Variants in PRKG1 observed in about 807,000 individuals in gnomAD.
PRKG1 encodes protein kinase cGMP-dependent 1.
PRKG1 carries 35 observed loss-of-function variants against 88.1 expected under a neutral mutation model. The observed-to-expected ratio is 0.40, with a 90% CI of 0.30 to 0.53. The LOEUF is 0.53. Ranked by LOEUF, PRKG1 falls within the 20% of genes least tolerant of loss-of-function variation. PRKG1 has a pLI of 0.59. For synonymous variants in PRKG1, 303 were observed against 292.5 expected (o/e 1.04, Z -0.37); for missense variants, 540 against 839.8 (o/e 0.64, Z 4.41).
At chr10:52,291,524 C>A (rs1267991652) in intron 17 of PRKG1, among the ~76,000 whole-genome samples, 1 of 150,620 alleles carries the variant, frequency 6.6e-6, no homozygotes, top group Non-Finnish European at 1.5e-5. Flanking sequence ...TTTGTTCTTG[C>A]GATAGTTTAC....
intron 5 of PRKG1, among the ~76,000 whole-genome samples, chr10:51,995,387 A>G (rs182117149): frequency 6.2e-4 from 95 of 152,322 alleles, no homozygotes; most frequent in African/African-American, 2.1e-3. Flanking sequence ...CCTTTTCTGA[A>G]TGATCTGGAT....
At chr10:51,123,418 G>A (rs1263807425) in intron 1 of PRKG1, among the ~76,000 whole-genome samples, 1 of 152,154 alleles carries the variant, frequency 6.6e-6, no homozygotes, top group African/African-American at 2.4e-5. Context: ...GGGCCTGGTG[G>A]CTCACGCCTG....
chr10:51,755,477 A>G (rs1837835999), intron 3 of PRKG1, among the ~76,000 whole-genome samples: 1 of 152,212 alleles, frequency 6.6e-6, no homozygotes, highest in Admixed American at 6.5e-5. Context: ...TCTGCTGCTA[A>G]CAGCAATAGC....
chr10:51,106,548 A>G (rs1220824045), intron 1 of PRKG1, among the ~76,000 whole-genome samples: 1 of 152,118 alleles, frequency 6.6e-6, no homozygotes, highest in Non-Finnish European at 1.5e-5. Flanking sequence ...TAGAGGGGAA[A>G]AGTCTGTGCC....
intron 1 of PRKG1, among the ~76,000 whole-genome samples, chr10:51,076,965 A>G (rs952029225): frequency 6.6e-6 from 1 of 152,206 alleles, no homozygotes; most frequent in Non-Finnish European, 1.5e-5. Flanking sequence ...TTTATTGAGG[A>G]AAATGATAGA....
chr10:51,412,215 A>AGAGAGAGAGAGAGAGAGAGAGAG (rs1564483266), intron 2 of PRKG1, among the ~76,000 whole-genome samples: 2 of 120,196 alleles, frequency 1.7e-5, no homozygotes, highest in African/African-American at 8.0e-5. Context: ...GAGAGAGAGA[A>AGAGAGAGAGAGAGAGAGAGAGAG]AGAAAGAGAG....
intron 2 of PRKG1, among the ~76,000 whole-genome samples, chr10:51,203,890 A>G (rs1837975667): frequency 6.6e-6 from 1 of 152,224 alleles, no homozygotes; most frequent in African/African-American, 2.4e-5. Flanking sequence ...CCTGTTACAC[A>G]GTAACTCTTC....
chr10:51,678,975 A>T (rs1840778454), intron 3 of PRKG1, among the ~76,000 whole-genome samples: 1 of 152,156 alleles, frequency 6.6e-6, no homozygotes, highest in South Asian at 2.1e-4. Flanking sequence ...GATTTTTAGG[A>T]TTCATTCATT....
chr10:51,899,671 GTATA>G (rs57320165), intron 4 of PRKG1, among the ~76,000 whole-genome samples: 27,221 of 120,326 alleles, frequency 0.23, 3,365 homozygotes, highest in East Asian at 0.51. Context: ...AAAGAAAAAT[GTATA>G]TATATATATA....
chr10:51,952,049 A>C (rs1470248748), intron 5 of PRKG1, among the ~76,000 whole-genome samples: 1 of 152,166 alleles, frequency 6.6e-6, no homozygotes, highest in African/African-American at 2.4e-5. Context: ...AAGAGGAGAG[A>C]TGACTATTTA....
chr10:51,493,373 G>C (rs1371291126), intron 3 of PRKG1, among the ~76,000 whole-genome samples: 1 of 152,096 alleles, frequency 6.6e-6, no homozygotes, highest in Non-Finnish European at 1.5e-5. Context: ...TGGATTGTTT[G>C]TAATTGCCTT....
intron 7 of PRKG1, among the ~76,000 whole-genome samples, chr10:52,097,473 A>T (rs769195418): frequency 6.6e-6 from 1 of 152,132 alleles, no homozygotes; most frequent in Non-Finnish European, 1.5e-5. Flanking sequence ...TAAAGATTTA[A>T]TGATTCTAGA....
intron 2 of PRKG1, among the ~76,000 whole-genome samples, chr10:51,315,909 G>C (rs1290910305): frequency 6.6e-6 from 1 of 152,182 alleles, no homozygotes; most frequent in Non-Finnish European, 1.5e-5. Flanking sequence ...TGTATCCTCA[G>C]AGTTTTGTAG....
intron 3 of PRKG1, among the ~76,000 whole-genome samples, chr10:51,722,181 ATCGTGCCACTGCAC>A (rs1842029325): frequency 6.6e-6 from 1 of 151,872 alleles, no homozygotes; most frequent in Non-Finnish European, 1.5e-5. Flanking sequence ...GTGAGCCGAG[ATCGTGCCACTGCAC>A]TCCAGCCTGG....
At chr10:51,704,536 G>T (rs1435295687) in intron 3 of PRKG1, among the ~76,000 whole-genome samples, 1 of 152,154 alleles carries the variant, frequency 6.6e-6, no homozygotes. Flanking sequence ...AAATGGATAT[G>T]CAATAAAGTA....
intron 3 of PRKG1, among the ~76,000 whole-genome samples, chr10:51,732,229 T>C (rs1837130982): frequency 6.6e-6 from 1 of 152,072 alleles, no homozygotes. Flanking sequence ...CTGGCCCAAA[T>C]TTCCTTTTCT....
chr10:51,815,895 C>T (rs536922390), intron 4 of PRKG1, among the ~76,000 whole-genome samples: 1 of 152,286 alleles, frequency 6.6e-6, no homozygotes, highest in East Asian at 1.9e-4. Context: ...AGCATGAGCA[C>T]AGTGCTTCAC....
intron 2 of PRKG1, among the ~76,000 whole-genome samples, chr10:51,451,282 CT>C (rs1284620592): frequency 7.7e-5 from 3 of 38,718 alleles, no homozygotes; most frequent in Non-Finnish European, 5.5e-5. Flanking sequence ...AGTAAGTAAA[CT>C]TTTTTTTTTT....
chr10:51,426,874 C>A (rs1377641596), intron 2 of PRKG1, among the ~76,000 whole-genome samples: 2 of 152,162 alleles, frequency 1.3e-5, no homozygotes, highest in Non-Finnish European at 2.9e-5. Flanking sequence ...GTAAAGAGGG[C>A]AAGCAGGTGG....
Sources: gnomAD v4.1 joint callset for allele counts (sites outside exome capture counted in the v4.1 genomes callset) on GRCh38, gnomAD v4.1.1 for gene constraint, MANE v1.5 for transcripts, NCBI Gene and HGNC (gene_info 2026-07-23, HGNC 2026-07-21) for gene names.